The following CCSER2 variants were observed in gnomAD, a reference collection of about 807,000 sequenced individuals.
CCSER2 encodes serine-rich coiled-coil domain-containing protein 2.
Under a neutral mutation model 92.3 loss-of-function variants are expected in CCSER2, and 46 were observed. That is an observed-to-expected ratio of 0.50 (90% CI 0.39 to 0.64). The LOEUF is 0.64. Among genes scored for constraint, CCSER2 ranks in the 30% least tolerant of loss-of-function variants. The probability of loss-of-function intolerance (pLI) is 0.00; values close to 1 mark genes in which losing one functional copy is unlikely to be tolerated. For synonymous variants in CCSER2, 433 were observed against 431.4 expected (o/e 1.00, Z -0.04); for missense variants, 1,244 against 1,238.9 (o/e 1.00, Z -0.06).
intron 9 of CCSER2, among the ~76,000 whole-genome samples, chr10:84,496,344 G>A (rs575366730): frequency 1.7e-3 from 252 of 152,170 alleles, no homozygotes; most frequent in African/African-American, 5.9e-3. Context: ...GGAGTGCAGT[G>A]GGGTGATCTC....
intron 8 of CCSER2, among the ~76,000 whole-genome samples, chr10:84,475,457 CA>C (rs2133732786): frequency 6.6e-6 from 1 of 152,130 alleles, no homozygotes; most frequent in Non-Finnish European, 1.5e-5. Flanking sequence ...GCATATAGAC[CA>C]CAGAAAATAA....
chr10:84,483,953 TTATATATATATATATA>T lies in CCSER2; in HGVS notation c.2325+6318_2325+6333del, dbSNP rs57427963. 3.3e-3 allele frequency among the ~76,000 whole-genome samples: 158 copies of T among 48,044 alleles called. 1 individual carries two copies. In the East Asian group the frequency reaches 0.048, roughly 14 times the overall value. The allele number at this position is 48,044 out of a possible 152,430, so 31.5% of individuals were successfully genotyped here. A position where few individuals can be genotyped will look rare whatever the true frequency, so the allele number is the denominator to read the frequency against. ...GTGCATCCCACCACACCCGGCTAAT[TTATATATATATATATA>T]TATATATATATATATATATATATAT... On this transcript the variant is annotated intron_variant, in intron 9 of 9. Transcript: ENST00000372088.
At chr10:84,499,917 T>C (rs1848635952) in intron 9 of CCSER2, 7 of 1,613,912 alleles carry the variant, frequency 4.3e-6, no homozygotes, top group Non-Finnish European at 5.9e-6. Context: ...GCAGGGCTCC[T>C]TCCAGGGGAT....
chr10:84,478,592 G>T (rs925600556), intron 9 of CCSER2, among the ~76,000 whole-genome samples: 1 of 152,088 alleles, frequency 6.6e-6, no homozygotes, highest in East Asian at 1.9e-4. Flanking sequence ...TACAATGGTA[G>T]GAATTAATTT....
At chr10:84,495,189 T>C (rs75435262) in intron 9 of CCSER2, among the ~76,000 whole-genome samples, 1 of 147,740 alleles carries the variant, frequency 6.8e-6, no homozygotes, top group Non-Finnish European at 1.5e-5. Flanking sequence ...TTTTTTTTTT[T>C]CTCTTGAGAC....
In CCSER2 at chr10:84,514,261, A is replaced by G. The variant is rs1350102879; in HGVS notation, c.3138A>G (p.Ile1046Met). ...ATTCTCGTCTTCCTAAACCAAAGAT[A>G]CATTAAGTACATAGCCATCACCTGC... ...NRYSRLPKPK[I>M]H is the part of the protein sequence containing the mutation. Residue 1046 changes from isoleucine to methionine, a missense_variant, in exon 10 of 10, where the codon ATA (isoleucine) becomes ATG (methionine). Physicochemically the swap from Ile to Met is conservative, Grantham distance 10. Transcript: ENST00000372088. The G allele has an allele frequency of 5.2e-6, 8 of 1,531,966 alleles. No homozygotes were observed. Among genetic ancestry groups the G allele is most frequent in the Admixed American group, 2.0e-5 (1 of 50,868 alleles). 94.9% of individuals were successfully genotyped at this position (1,531,966 alleles called of 1,614,324 possible).
chr10:84,425,991 G>T (rs757861249), intron 5 of CCSER2, 98 bp downstream of exon 5: 138 of 889,540 alleles, frequency 1.6e-4, no homozygotes, highest in Admixed American at 3.4e-4. Context: ...TTTTTGTCTG[G>T]TTTGTTTTTA....
At chr10:84,485,739 C>T (rs906461944) in intron 9 of CCSER2, among the ~76,000 whole-genome samples, 4 of 152,090 alleles carry the variant, frequency 2.6e-5, no homozygotes, top group Non-Finnish European at 4.4e-5. Flanking sequence ...CAGTTCACTA[C>T]ATGCTTTTTT....
At chr10:84,488,180 G>A (rs375357530) in intron 9 of CCSER2, among the ~76,000 whole-genome samples, 13 of 152,278 alleles carry the variant, frequency 8.5e-5, no homozygotes, top group Middle Eastern at 3.4e-3. Context: ...ATGTTCATCA[G>A]GGATATTGGT....
chr10:84,407,245 C>G (rs17342558), intron 3 of CCSER2, among the ~76,000 whole-genome samples: 19,344 of 152,208 alleles, frequency 0.13, 1,499 homozygotes, highest in Admixed American at 0.23. Context: ...TTACATTCTA[C>G]CAGATTTGGC....
intron 9 of CCSER2, among the ~76,000 whole-genome samples, chr10:84,480,158 C>T (rs1047506569): frequency 1.1e-4 from 16 of 152,256 alleles, no homozygotes; most frequent in Admixed American, 7.2e-4. Flanking sequence ...GATCCTCCTG[C>T]CTCAGCCTCC....
intron 6 of CCSER2, among the ~76,000 whole-genome samples, chr10:84,451,235 T>A (rs775410192): frequency 1.3e-5 from 2 of 150,704 alleles, no homozygotes; most frequent in Non-Finnish European, 3.0e-5. Flanking sequence ...ATAGAAAGGT[T>A]TTTTTTTTGG....
intron 8 of CCSER2, among the ~76,000 whole-genome samples, chr10:84,475,241 T>G (rs1417347543): frequency 6.6e-6 from 1 of 152,214 alleles, no homozygotes; most frequent in African/African-American, 2.4e-5. Context: ...TCTAGCTCCT[T>G]GGGGTAAGAG....
chr10:84,436,668 C>T (rs1436833342), intron 5 of CCSER2, among the ~76,000 whole-genome samples: 1 of 150,806 alleles, frequency 6.6e-6, no homozygotes, highest in Admixed American at 6.6e-5. Flanking sequence ...TCACTAGTCA[C>T]TGCGGGAGGC....
chr10:84,348,335 G>A (rs891877156), intron 1 of CCSER2, among the ~76,000 whole-genome samples: 4 of 152,224 alleles, frequency 2.6e-5, no homozygotes, highest in Non-Finnish European at 5.9e-5. Flanking sequence ...GCCTGCAATC[G>A]CAGGCACTCG....
chr10:84,513,309 C>A, intron 9 of CCSER2, 140 bp from the exon 10 acceptor site: 1 of 668,824 alleles, frequency 1.5e-6, no homozygotes, highest in South Asian at 2.3e-5. Context: ...TATTGCAGTT[C>A]ATTTTTTAAT....
intron 3 of CCSER2, among the ~76,000 whole-genome samples, chr10:84,406,087 G>A (rs1201235478): frequency 6.6e-6 from 1 of 152,146 alleles, no homozygotes; most frequent in African/African-American, 2.4e-5. Context: ...CTGTACATTC[G>A]CAGTGGAATA....
chr10:84,358,656 A>T (rs1845325911), intron 1 of CCSER2, among the ~76,000 whole-genome samples: 1 of 147,714 alleles, frequency 6.8e-6, no homozygotes, highest in South Asian at 2.1e-4. Flanking sequence ...GTGTATATAT[A>T]TATACATATA....
intron 4 of CCSER2, among the ~76,000 whole-genome samples, chr10:84,418,772 A>G (rs965777840): frequency 6.6e-6 from 1 of 152,222 alleles, no homozygotes; most frequent in Non-Finnish European, 1.5e-5. Context: ...TCCTGCCAGA[A>G]TGCTGTATGG....
Sources: gnomAD v4.1 joint callset for allele counts (sites outside exome capture counted in the v4.1 genomes callset) on GRCh38, gnomAD v4.1.1 for gene constraint, MANE v1.5 for transcripts, NCBI Gene and HGNC (gene_info 2026-07-23, HGNC 2026-07-21) for gene names.